Variants in KLF18 observed in about 807,000 individuals in gnomAD.
KLF18 encodes KLF transcription factor 18.
chr1:44,140,674 C>T lies in KLF18; in HGVS notation c.958G>A (p.Gly320Arg). The T allele has an allele frequency of 2.5e-6, 1 of 396,596 alleles. No homozygotes were observed. Among genetic ancestry groups the T allele is most frequent in the Non-Finnish European group, 4.4e-6 (1 of 225,682 alleles). 24.6% of individuals were successfully genotyped at this position (396,596 alleles called of 1,614,324 possible). A position where few individuals can be genotyped will look rare whatever the true frequency, so the allele number is the denominator to read the frequency against. ...TTACCAGTGGAGGTCGTCATCTGCC[C>T]TCCACAGAGGGCTTGGTTACCAGTG... The part of the protein sequence containing the change: ...TSTGNQALCG[G>R]QMTTSTGNQN... Residue 320 changes from glycine to arginine, a missense_variant, in exon 1 of 2, where the codon GGG (glycine) becomes AGG (arginine). By Grantham distance (125) the Gly-to-Arg change is moderately radical. Coordinates refer to ENST00000634670, the MANE Select transcript of KLF18 (RefSeq NM_001358438.1).
In KLF18 at chr1:44,141,020, G is replaced by A. The variant is rs1042262544; in HGVS notation, c.612C>T (p.Ser204=). The A allele has an allele frequency of 3.0e-5, 12 of 398,464 alleles. No homozygotes were observed. Among genetic ancestry groups the A allele is most frequent in the African/African-American group, 1.4e-4 (7 of 48,558 alleles). The allele number at this position is 398,464 out of a possible 1,614,324, so 24.7% of individuals were successfully genotyped here. Residue 204 remains serine, a synonymous_variant, in exon 1 of 2, where the codon AGC becomes AGT. Coordinates refer to ENST00000634670, the MANE Select transcript of KLF18 (RefSeq NM_001358438.1). ...LTDGHTVTSG[S]DETLSGGQMT... is the part of the protein sequence containing the mutation. ...TTTGGCCCCCAGAGAGGGTCTCATC[G>A]CTACCGGAAGTCACTGTATGACCAT...
At chr1:44,138,609 G>GGGGCTTTGTAAA (rs61473384) in intron 1 of KLF18, 55 bp downstream of exon 1, 261,293 of 397,372 alleles carry the variant, frequency 0.66, 87,316 homozygotes, top group African/African-American at 0.86. Flanking sequence ...AAATGCTTCC[G>GGGGCTTTGTAAA]GGCACAAATC....
At position 44,139,715 on chromosome 1, in the gene KLF18, G is replaced by A. The variant is rs1249319602; in HGVS notation, c.1917C>T (p.Leu639=). 2 of 397,288 alleles carry A rather than the reference G, an allele frequency of 5.0e-6. No homozygotes were observed. The highest frequency in any genetic ancestry group is 8.9e-6 in the Non-Finnish European group (2 of 225,952). The allele number at this position is 397,288 out of a possible 1,614,324, so 24.6% of individuals were successfully genotyped here. The change falls in exon 1 of 2, where the codon CTC becomes CTT. Residue 639 remains leucine, a synonymous_variant. Coordinates refer to ENST00000634670, the MANE Select transcript of KLF18 (RefSeq NM_001358438.1). ...TGGAGGTTGTCATCTGCTCTCCACAGAGGGTCTGGTTACTAGCAGAGGTTG... is the reference window on the plus strand; with the variant it reads ...TGGAGGTTGTCATCTGCTCTCCACAAAGGGTCTGGTTACTAGCAGAGGTTG... The part of the protein sequence containing the change: ...QMTTSASNQT[L]CGEQMTTSTS...
chr1:44,137,960 C>T lies in KLF18; in HGVS notation c.3020G>A (p.Arg1007His), dbSNP rs376287364. 3.8e-5 allele frequency: 15 copies of T among 398,686 alleles called. No homozygotes were observed. Among genetic ancestry groups the T allele is most frequent in the South Asian group, 2.5e-4 (2 of 7,858 alleles). The allele number at this position is 398,686 out of a possible 1,614,324, so 24.7% of individuals were successfully genotyped here. ...CTTGTGTCTGTTGAGCTCATCTGAG[C>T]GGGCAAATTTCCACGTACATCCCTC... is the stretch of plus-strand genomic sequence containing the variant. ...DVEGCTWKFA[R>H]SDELNRHKKR... Residue 1007 changes from arginine (R) to histidine (H), a missense_variant, in exon 2 of 2, where the codon CGC (arginine) becomes CAC (histidine). Transcript: ENST00000634670.
rs1033417660 is a variant in KLF18 at position 44,137,905 on chromosome 1, CAGGT to C, written c.3071_3074del (p.Tyr1024CysfsTer15). ...CAAAATTCTTGCTGCATATTGAACA[CAGGT>C]AGGGCCTTTCCCCAGTGTGCCTTTT... On this transcript the variant is annotated frameshift_variant, in exon 2 of 2. Transcript: ENST00000634670. LOFTEE classifies it low-confidence loss of function (END_TRUNC). 5.0e-6 allele frequency: 2 copies of C among 398,584 alleles called. No homozygotes were observed. The allele number at this position is 398,584 out of a possible 1,614,324, so 24.7% of individuals were successfully genotyped here.
rs1643206473 is a variant in KLF18 at position 44,139,306 on chromosome 1, T to C, written c.2326A>G (p.Asn776Asp). 2.9e-6 allele frequency: 1 copy of C among 348,102 alleles called. No individual in the cohort carries two copies. The highest frequency in any genetic ancestry group is 4.9e-5 in the Admixed American group (1 of 20,296). The allele number at this position is 348,102 out of a possible 1,614,324, so 21.6% of individuals were successfully genotyped here. A position where few individuals can be genotyped will look rare whatever the true frequency, so the allele number is the denominator to read the frequency against. Reference protein sequence around the residue: ...YGGQMTTSTSNQTLCGEQMTT... With the variant: ...YGGQMTTSTSDQTLCGEQMTT... ...ATCTGCTCTCCACAGAGGGTCTGGT[T>C]ACTAGTAGAGGTCGTCATCTGCCCC... Residue 776 changes from asparagine (N) to aspartate (D), a missense_variant, in exon 1 of 2, where the codon AAC becomes GAC. By Grantham distance (23) the Asn-to-Asp change is conservative (BLOSUM62 1). Coordinates refer to ENST00000634670, the MANE Select transcript of KLF18 (RefSeq NM_001358438.1).
At chr1:44,138,054 G>A in intron 1 of KLF18, 43 bp from the exon 2 acceptor site, 1 of 398,648 alleles carries the variant, frequency 2.5e-6, no homozygotes, top group Non-Finnish European at 4.4e-6. Context: ...ACATCAGGGT[G>A]AGGTAGGGCA....
In KLF18 at chr1:44,141,284, C is replaced by A. The variant is rs947109454; in HGVS notation, c.348G>T (p.Gln116His). 1 of 398,648 alleles carries A rather than the reference C, an allele frequency of 2.5e-6. No homozygotes were observed. The highest frequency in any genetic ancestry group is 4.4e-6 in the Non-Finnish European group (1 of 226,124). 24.7% of individuals were successfully genotyped at this position (398,648 alleles called of 1,614,324 possible). A position where few individuals can be genotyped will look rare whatever the true frequency, so the allele number is the denominator to read the frequency against. ...FDQVKHTAGS[Q>H]MTDVTVTPKS... ...TTGGGGTGACAGTAACATCTGTCAT[C>A]TGGGAGCCTGCTGTGTGTTTTACCT... is the stretch of plus-strand genomic sequence containing the variant. Residue 116 changes from glutamine (Q) to histidine (H), a missense_variant, in exon 1 of 2, where the codon CAG (glutamine) becomes CAT (histidine). Transcript: ENST00000634670.
rs1312220891 is a variant in KLF18, at chr1:44,141,494, C to T, written c.138G>A (p.Glu46=). ...QNCMPLTAHA[E]ESQHESTQSK... Reference sequence around the variant, plus strand: ...TCTGGGTTGACTCATGTTGGCTCTCCTCAGCATGGGCAGTCAGAGGCATAC... The same window carrying T: ...TCTGGGTTGACTCATGTTGGCTCTCTTCAGCATGGGCAGTCAGAGGCATAC... The change falls in exon 1 of 2, where the codon GAG becomes GAA. Residue 46 remains glutamate (E), a synonymous_variant. Transcript: ENST00000634670. The T allele has an allele frequency of 1.5e-5, 6 of 398,530 alleles. No homozygotes were observed. Among genetic ancestry groups the T allele is most frequent in the Admixed American group, 4.4e-5 (1 of 22,700 alleles). 24.7% of individuals were successfully genotyped at this position (398,530 alleles called of 1,614,324 possible). A position where few individuals can be genotyped will look rare whatever the true frequency, so the allele number is the denominator to read the frequency against.
At position 44,140,381 on chromosome 1, in the gene KLF18, TC is replaced by T. The variant is rs1643227187; in HGVS notation, c.1250del (p.Gly417GlufsTer4). On this transcript the variant is annotated frameshift_variant, in exon 1 of 2. Transcript: ENST00000634670. LOFTEE classifies it high-confidence loss of function. ...MTSTGNQNLC[G>X]EQVMTSTGNQ... ...TACCAGTGGAGGTCATCACTTGCTC[TC>T]CACAGAGGTTCTGGTTACCAGTGGA... The T allele has an allele frequency of 8.3e-6, 1 of 120,520 alleles. No individual in the cohort carries two copies. The highest frequency in any genetic ancestry group is 1.3e-5 in the Non-Finnish European group (1 of 76,984). The allele number at this position is 120,520 out of a possible 1,614,324, so 7.5% of individuals were successfully genotyped here.
Position 44,140,415 on chromosome 1 carries a change from A to C in KLF18, c.1217T>G (p.Met406Arg). Residue 406 changes from methionine (M) to arginine (R), a missense_variant, in exon 1 of 2, where the codon ATG (methionine) becomes AGG (arginine). Transcript: ENST00000634670. Reference sequence around the variant, plus strand: ...GTTCTGGTTACCAGTGGAGGTCATCATCTGCCCCCAGTAGAGGGTCTGGTT... The same window carrying C: ...GTTCTGGTTACCAGTGGAGGTCATCCTCTGCCCCCAGTAGAGGGTCTGGTT... ...TGNQTLYWGQ[M>R]MTSTGNQNLC... 4.3e-6 allele frequency: 1 copy of C among 230,080 alleles called. No homozygotes were observed. The highest frequency in any genetic ancestry group is 1.1e-4 in the African/African-American group (1 of 8,788). 14.3% of individuals were successfully genotyped at this position (230,080 alleles called of 1,614,324 possible).
Position 44,140,326 on chromosome 1 carries a change from TCGTCATCTGCCCTC to T in KLF18, c.1292_1305del (p.Gly431AspfsTer5). 3 of 261,660 alleles carry T rather than the reference TCGTCATCTGCCCTC, an allele frequency of 1.1e-5. 1 individual carries two copies. The highest frequency in any genetic ancestry group is 6.3e-6 in the Non-Finnish European group (1 of 158,856). 16.2% of individuals were successfully genotyped at this position (261,660 alleles called of 1,614,324 possible). The stretch of plus-strand genomic sequence containing the variant: ...CAGAGGTTCTGGTTACCAGTGGAGG[TCGTCATCTGCCCTC>T]CACAGAGGGCTTGGTTACCAGTGGA... On this transcript the variant is annotated frameshift_variant, in exon 1 of 2. Transcript: ENST00000634670. LOFTEE classifies it high-confidence loss of function.
Position 44,139,571 on chromosome 1 carries a change from C to T in KLF18, c.2061G>A (p.Thr687=), listed in dbSNP as rs1247147391. The change falls in exon 1 of 2, where the codon ACG becomes ACA. Residue 687 remains threonine (T), a synonymous_variant. Transcript: ENST00000634670. ...AGAGGGTCTGGTTACTAGTGGAGGT[C>T]GTCATCTGCCCCCCGTAGAGGGCCT... ...GNQALYGGQM[T]TSTSNQTLCG... is the part of the protein sequence containing the mutation. 1.3e-5 allele frequency: 5 copies of T among 391,108 alleles called. No homozygotes were observed. The highest frequency in any genetic ancestry group is 2.2e-5 in the Non-Finnish European group (5 of 224,260). 24.2% of individuals were successfully genotyped at this position (391,108 alleles called of 1,614,324 possible). A position where few individuals can be genotyped will look rare whatever the true frequency, so the allele number is the denominator to read the frequency against.
At chr1:44,138,240 AAAAAC>A (rs971624177) in intron 1 of KLF18, among the ~76,000 whole-genome samples, 62 of 152,258 alleles carry the variant, frequency 4.1e-4, no homozygotes, top group African/African-American at 1.4e-3. Flanking sequence ...GAAGAAGAAA[AAAAAC>A]AAACAGGAGG....
rs1235892623 is a variant in KLF18 at position 44,139,309 on chromosome 1, T to C, written c.2323A>G (p.Ser775Gly). ...LYGGQMTTST[S>G]NQTLCGEQMT... ...TGCTCTCCACAGAGGGTCTGGTTAC[T>C]AGTAGAGGTCGTCATCTGCCCCCCG... Residue 775 changes from serine to glycine, a missense_variant, in exon 1 of 2, where the codon AGT (serine) becomes GGT (glycine). Transcript: ENST00000634670. 4 of 332,236 alleles carry C rather than the reference T, an allele frequency of 1.2e-5. No homozygotes were observed. Among genetic ancestry groups the C allele is most frequent in the African/African-American group, 2.5e-5 (1 of 40,652 alleles). The allele number at this position is 332,236 out of a possible 1,614,324, so 20.6% of individuals were successfully genotyped here. A position where few individuals can be genotyped will look rare whatever the true frequency, so the allele number is the denominator to read the frequency against.
Position 44,137,846 on chromosome 1 carries a change from A to G in KLF18, c.3134T>C (p.Val1045Ala), listed in dbSNP as rs1358200856. 3 of 398,580 alleles carry G rather than the reference A, an allele frequency of 7.5e-6. No individual in the cohort carries two copies. In the East Asian group the frequency reaches 1.1e-4, roughly 14 times the overall value. 24.7% of individuals were successfully genotyped at this position (398,580 alleles called of 1,614,324 possible). The change falls in exon 2 of 2, where the codon GTC (valine) becomes GCC (alanine). Residue 1045 changes from valine (V) to alanine (A), a missense_variant. Coordinates refer to ENST00000634670, the MANE Select transcript of KLF18 (RefSeq NM_001358438.1). ...RSDHLKQHAK[V>A]HNIRPGL ...TCATAATCCTGGGCGAATGTTGTGG[A>G]CCTTTGCATGCTGCTTTAGGTGATC...
At position 44,139,941 on chromosome 1, in the gene KLF18, G is replaced by A. The variant is rs1200676340; in HGVS notation, c.1691C>T (p.Thr564Ile). 1 of 391,042 alleles carries A rather than the reference G, an allele frequency of 2.6e-6. No individual in the cohort carries two copies. The highest frequency in any genetic ancestry group is 4.5e-6 in the Non-Finnish European group (1 of 221,832). 24.2% of individuals were successfully genotyped at this position (391,042 alleles called of 1,614,324 possible). A position where few individuals can be genotyped will look rare whatever the true frequency, so the allele number is the denominator to read the frequency against. The change falls in exon 1 of 2, where the codon ACT (threonine) becomes ATT (isoleucine). Residue 564 changes from threonine (T) to isoleucine (I), a missense_variant. Physicochemically the swap from Thr to Ile is moderately conservative, Grantham distance 89. Transcript: ENST00000634670. ...TLCGEQVTTSTGNQALYGGQI... is the reference protein window; with the variant it reads ...TLCGEQVTTSIGNQALYGGQI... ...CCCCCCGTAGAGGGCCTGGTTACCA[G>A]TGGAGGTCGTCACCTGCTCCCCACA...
At position 44,140,647 on chromosome 1, in the gene KLF18, G is replaced by A. The variant is rs1051144138; in HGVS notation, c.985C>T (p.Gln329Ter). 5.1e-6 allele frequency: 2 copies of A among 390,976 alleles called. No homozygotes were observed. The highest frequency in any genetic ancestry group is 2.2e-5 in the African/African-American group (1 of 45,992). The allele number at this position is 390,976 out of a possible 1,614,324, so 24.2% of individuals were successfully genotyped here. A position where few individuals can be genotyped will look rare whatever the true frequency, so the allele number is the denominator to read the frequency against. Residue 329 changes from glutamine to a stop codon, truncating the protein, a stop_gained, in exon 1 of 2, where the codon CAG (glutamine) becomes TAG (stop). Transcript: ENST00000634670. LOFTEE classifies it high-confidence loss of function. The part of the protein sequence containing the change: ...GGQMTTSTGN[Q>*]NLYGGQMMTS... ...ATCATCTGCCCCCCATAGAGGTTCT[G>A]GTTACCAGTGGAGGTCGTCATCTGC...
intron 1 of KLF18, among the ~76,000 whole-genome samples, chr1:44,138,345 T>A (rs1643186120): frequency 6.6e-6 from 1 of 152,112 alleles, no homozygotes; most frequent in Admixed American, 6.5e-5. Context: ...GAAGTGACGG[T>A]CCCAGTAGAA....
Sources: allele counts gnomAD v4.1 joint callset (sites outside exome capture counted in the v4.1 genomes callset), GRCh38; gene constraint gnomAD v4.1.1; transcripts MANE v1.5; gene names NCBI Gene and HGNC (gene_info 2026-07-23, HGNC 2026-07-21).